GRID2: variants seen among roughly 807,000 people sequenced by gnomAD.
The protein encoded by GRID2 is glutamate ionotropic receptor delta type subunit 2.
Under a neutral mutation model 114.8 loss-of-function variants are expected in GRID2, and 33 were observed. That is an observed-to-expected ratio of 0.29 (90% confidence interval 0.22 to 0.38). The LOEUF is 0.38. GRID2 is among the 10% of genes least tolerant of loss of function. GRID2 has a pLI of 1.00. For synonymous variants in GRID2, 505 were observed against 449.9 expected, an observed-to-expected ratio of 1.12 and a Z score of -1.55; for missense variants, 1,184 against 1,257.7, an observed-to-expected ratio of 0.94 and a Z score of 0.89.
At chr4:93,416,239 A>G (rs9992229) in intron 9 of GRID2, among the ~76,000 whole-genome samples, 26,255 of 151,900 alleles carry the variant, frequency 0.17, 4,148 homozygotes, top group African/African-American at 0.42. Flanking sequence ...GAACATTTCT[A>G]ATACTCACAT....
At chr4:92,883,989 T>C (rs1746195890) in intron 2 of GRID2, among the ~76,000 whole-genome samples, 1 of 152,212 alleles carries the variant, frequency 6.6e-6, no homozygotes, top group Non-Finnish European at 1.5e-5. Context: ...AAGCCAGGCA[T>C]TGACTTCTCC....
chr4:92,796,005 G>C (rs1739849812), intron 2 of GRID2, among the ~76,000 whole-genome samples: 2 of 151,864 alleles, frequency 1.3e-5, no homozygotes, highest in South Asian at 4.2e-4. Flanking sequence ...ACAACATCTG[G>C]ACAGTTTCTT....
intron 2 of GRID2, among the ~76,000 whole-genome samples, chr4:92,599,459 A>G (rs1177158643): frequency 6.6e-6 from 1 of 152,178 alleles, no homozygotes; most frequent in African/African-American, 2.4e-5. Context: ...TTAAAAGGTT[A>G]TCTTTCCATG....
intron 8 of GRID2, among the ~76,000 whole-genome samples, chr4:93,269,515 C>T (rs933222041): frequency 1.3e-5 from 2 of 152,160 alleles, no homozygotes; most frequent in African/African-American, 4.8e-5. Flanking sequence ...CAAAAGGAAT[C>T]AAACATTACT....
chr4:93,172,798 C>T (rs929543096), intron 4 of GRID2, among the ~76,000 whole-genome samples: 37 of 152,154 alleles, frequency 2.4e-4, no homozygotes, highest in African/African-American at 8.2e-4. Flanking sequence ...TGCACCAAGA[C>T]CAAATGAGTC....
At chr4:92,690,808 T>C (rs1734146707) in intron 2 of GRID2, among the ~76,000 whole-genome samples, 1 of 152,084 alleles carries the variant, frequency 6.6e-6, no homozygotes, top group Non-Finnish European at 1.5e-5. Context: ...TAACTGGCTT[T>C]ATTCAATTAA....
intron 1 of GRID2, among the ~76,000 whole-genome samples, chr4:92,427,497 A>G (rs567661151): frequency 6.6e-6 from 1 of 152,322 alleles, no homozygotes; most frequent in Admixed American, 6.5e-5. Context: ...CAGATGTTAT[A>G]TAGAAAAATA....
chr4:92,911,866 T>A (rs1306100124), intron 2 of GRID2, among the ~76,000 whole-genome samples: 1 of 151,818 alleles, frequency 6.6e-6, no homozygotes, highest in Non-Finnish European at 1.5e-5. Context: ...CCTTGTGGTA[T>A]TAATTCTTAA....
chr4:92,870,132 T>C (rs1578352289), intron 2 of GRID2, among the ~76,000 whole-genome samples: 1 of 151,840 alleles, frequency 6.6e-6, no homozygotes, highest in Non-Finnish European at 1.5e-5. Context: ...GCCCAGGAGC[T>C]CAAGTTTGTG....
chr4:93,684,758 T>C (rs904508155), intron 14 of GRID2, among the ~76,000 whole-genome samples: 10 of 152,002 alleles, frequency 6.6e-5, no homozygotes, highest in African/African-American at 2.4e-4. Context: ...ATCTATTGTA[T>C]AGGGGGAGGG....
At chr4:92,420,389 A>T (rs1731841654) in intron 1 of GRID2, among the ~76,000 whole-genome samples, 1 of 152,166 alleles carries the variant, frequency 6.6e-6, no homozygotes, top group Non-Finnish European at 1.5e-5. Context: ...TTACAATTTT[A>T]TGATTATCCT....
intron 4 of GRID2, among the ~76,000 whole-genome samples, chr4:93,168,171 C>T (rs1262358350): frequency 6.6e-6 from 1 of 151,178 alleles, no homozygotes; most frequent in African/African-American, 2.4e-5. Flanking sequence ...CACTGCACTC[C>T]AGCCTGAGCA....
At chr4:93,011,249 T>G (rs1722108142) in intron 2 of GRID2, among the ~76,000 whole-genome samples, 1 of 152,010 alleles carries the variant, frequency 6.6e-6, no homozygotes, top group Admixed American at 6.6e-5. Flanking sequence ...TAAATTTGTA[T>G]AGGTATTGCC....
intron 1 of GRID2, among the ~76,000 whole-genome samples, chr4:93,799,373 AG>A (rs1315793063): frequency 6.6e-6 from 1 of 152,114 alleles, no homozygotes; most frequent in East Asian, 1.9e-4. Flanking sequence ...GATTTGGAAT[AG>A]ATACTCCCTA....
At chr4:92,842,232 T>C (rs1052607329) in intron 2 of GRID2, among the ~76,000 whole-genome samples, 1 of 152,124 alleles carries the variant, frequency 6.6e-6, no homozygotes, top group Non-Finnish European at 1.5e-5. Context: ...CCATAAGTTA[T>C]TTGTTTTACT....
At chr4:92,932,700 T>C (rs938933568) in intron 2 of GRID2, among the ~76,000 whole-genome samples, 6 of 151,336 alleles carry the variant, frequency 4.0e-5, no homozygotes, top group African/African-American at 1.5e-4. Flanking sequence ...CATTATCTTA[T>C]ATTCATACAA....
At chr4:92,635,398 T>G (rs1731021193) in intron 2 of GRID2, among the ~76,000 whole-genome samples, 1 of 152,124 alleles carries the variant, frequency 6.6e-6, no homozygotes, top group East Asian at 1.9e-4. Context: ...AGGTTATATA[T>G]GTCTTTATTG....
At chr4:92,779,598 C>T (rs1738974075) in intron 2 of GRID2, among the ~76,000 whole-genome samples, 1 of 152,056 alleles carries the variant, frequency 6.6e-6, no homozygotes, top group African/African-American at 2.4e-5. Flanking sequence ...GGCTTCCATC[C>T]TAAAGATCCA....
chr4:93,359,210 A>G (rs1761637508), intron 8 of GRID2, among the ~76,000 whole-genome samples: 1 of 152,074 alleles, frequency 6.6e-6, no homozygotes, highest in African/African-American at 2.4e-5. Flanking sequence ...ACATGTCGTC[A>G]GGGGTCCAAT....
Sources: allele counts gnomAD v4.1 joint callset (sites outside exome capture counted in the v4.1 genomes callset), GRCh38; gene constraint gnomAD v4.1.1; transcripts MANE v1.5; gene names NCBI Gene and HGNC (gene_info 2026-07-23, HGNC 2026-07-21).